Variants in PRDM1 observed in about 807,000 individuals in gnomAD.
The protein encoded by PRDM1 is PR domain zinc finger protein 1.
PRDM1 carries 13 observed loss-of-function variants against 62.8 expected under a neutral mutation model. The observed-to-expected ratio is 0.21, with a 90% confidence interval of 0.13 to 0.33. PRDM1 has a LOEUF of 0.33. PRDM1 is among the 10% of genes least tolerant of loss of function. PRDM1 has a pLI of 1.00. For missense variants in PRDM1, 895 were observed against 1,058.8 expected, an observed-to-expected ratio of 0.85 and a Z score of 2.15; for synonymous variants, 396 against 417.6, an observed-to-expected ratio of 0.95 and a Z score of 0.63.
At chr6:106,070,268 T>G (rs974559446) in intron 1 of PRDM1, among the ~76,000 whole-genome samples, 2 of 152,232 alleles carry the variant, frequency 1.3e-5, no homozygotes, top group Admixed American at 6.5e-5. Context: ...GATGTTTTTC[T>G]TTTCCATAAA....
rs140626005 is a variant in PRDM1, at chr6:106,020,968, C to T, written c.-67+27329C>T. Among the ~76,000 whole-genome samples the T allele has an allele frequency of 8.1e-4, 124 of 152,336 alleles. 2 individuals are homozygous for T. The highest frequency in any genetic ancestry group is 2.3e-3 in the African/African-American group (94 of 41,572). Reference sequence around the variant, plus strand: ...CCTTTCCCCCTCTTGTCTACCTGCACATCCTCTGAGGACTTTCATTTTCTT... The same window carrying T: ...CCTTTCCCCCTCTTGTCTACCTGCATATCCTCTGAGGACTTTCATTTTCTT... On this transcript the variant is annotated intron_variant, in intron 1 of 6. Transcript: ENST00000652320.
chr6:106,032,260 G>C (rs752967508), intron 1 of PRDM1, among the ~76,000 whole-genome samples: 4 of 151,992 alleles, frequency 2.6e-5, no homozygotes, highest in Admixed American at 6.6e-5. Context: ...CTGGGCTTAA[G>C]CAATCCTCCT....
chr6:106,104,439 G>A (rs1034136172), intron 4 of PRDM1, among the ~76,000 whole-genome samples: 2 of 152,130 alleles, frequency 1.3e-5, no homozygotes, highest in African/African-American at 2.4e-5. Flanking sequence ...TCGAACTTCC[G>A]ACCTCAGGTG....
At position 106,104,957 on chromosome 6, in the gene PRDM1, T is replaced by C. The variant is rs374434345; in HGVS notation, c.797T>C (p.Leu266Pro). The C allele has an allele frequency of 5.6e-6, 9 of 1,613,952 alleles. No homozygotes were observed. The highest frequency in any genetic ancestry group is 7.6e-6 in the Non-Finnish European group (9 of 1,180,020). The change falls in exon 5 of 7, where the codon CTC (leucine) becomes CCC (proline). Residue 266 changes from leucine (L) to proline (P), a missense_variant. Leu to Pro is a moderately conservative substitution (Grantham distance 98). Around this residue, in one of 4 missense-constraint regions of PRDM1, gnomAD observed 444 missense variants for 422.7 expected, o/e 1.05. Coordinates refer to ENST00000369096, the MANE Select transcript of PRDM1 (RefSeq NM_001198.4). ...TCCAACCCCTCCAAAGGAAAGGACCTCTACCGTTCTAACATTTCACCCCTC... is the reference window on the plus strand; with the variant it reads ...TCCAACCCCTCCAAAGGAAAGGACCCCTACCGTTCTAACATTTCACCCCTC... ...LDSNPSKGKD[L>P]YRSNISPLTS...
intron 3 of PRDM1, chr6:106,098,401 T>G: frequency 1.0e-6 from 1 of 985,398 alleles, no homozygotes; most frequent in Non-Finnish European, 1.2e-6. Context: ...GCATCTGTTA[T>G]CCAGAAGTAG....
chr6:106,008,729 A>G (rs1305455896), intron 1 of PRDM1, among the ~76,000 whole-genome samples: 1 of 152,186 alleles, frequency 6.6e-6, no homozygotes, highest in Non-Finnish European at 1.5e-5. Context: ...GGCAGAGACT[A>G]GACACTGGCT....
rs150950920 is a variant in PRDM1, at chr6:106,109,061, G to A, written c.*1575G>A. The A allele has an allele frequency of 0.012, 1,897 of 162,178 alleles. 10 individuals carry two copies. The highest frequency in any genetic ancestry group is 0.016 in the Middle Eastern group (6 of 378). 10.0% of individuals were successfully genotyped at this position (162,178 alleles called of 1,614,324 possible). A position where few individuals can be genotyped will look rare whatever the true frequency, so the allele number is the denominator to read the frequency against. ...TATAACCACTTAAATTGTGAGCCAAGCCATGTAAAAGATCTACTTTTTCTA... is the reference window on the plus strand; with the variant it reads ...TATAACCACTTAAATTGTGAGCCAAACCATGTAAAAGATCTACTTTTTCTA... On this transcript the variant is annotated 3_prime_UTR_variant, in exon 7 of 7. Coordinates refer to ENST00000369096, the MANE Select transcript of PRDM1 (RefSeq NM_001198.4).
At chr6:106,026,419 C>T (rs1174105591) in intron 1 of PRDM1, among the ~76,000 whole-genome samples, 4 of 152,088 alleles carry the variant, frequency 2.6e-5, no homozygotes, top group Non-Finnish European at 5.9e-5. Flanking sequence ...GCAGAGGTTG[C>T]AGCGAGCCAA....
chr6:106,074,187 C>A (rs1315100376), intron 1 of PRDM1, among the ~76,000 whole-genome samples: 3 of 152,182 alleles, frequency 2.0e-5, no homozygotes, highest in Non-Finnish European at 4.4e-5. Flanking sequence ...ATTCCATTTC[C>A]AGAGCTTTTT....
intron 1 of PRDM1, among the ~76,000 whole-genome samples, chr6:106,008,581 G>C (rs1007655415): frequency 6.6e-6 from 1 of 152,158 alleles, no homozygotes. Flanking sequence ...AGAGGATATA[G>C]ACAAGATAAG....
chr6:106,024,142 A>C (rs1582429499), intron 1 of PRDM1, among the ~76,000 whole-genome samples: 1 of 85,026 alleles, frequency 1.2e-5, no homozygotes, highest in South Asian at 3.1e-4. Context: ...ACCGTGTCTC[A>C]AAAAAAAAAT....
At chr6:105,999,846 C>T (rs1772406904) in intron 1 of PRDM1, among the ~76,000 whole-genome samples, 2 of 152,058 alleles carry the variant, frequency 1.3e-5, no homozygotes, top group South Asian at 4.1e-4. Context: ...TGTGACCTTC[C>T]TTTATCTATG....
chr6:106,067,353 C>T (rs1773449887), intron 1 of PRDM1, among the ~76,000 whole-genome samples: 1 of 152,016 alleles, frequency 6.6e-6, no homozygotes, highest in Non-Finnish European at 1.5e-5. Context: ...TGTTGGGTTT[C>T]CTCAAAAAGC....
intron 1 of PRDM1, among the ~76,000 whole-genome samples, chr6:106,003,464 T>G (rs1772450786): frequency 6.6e-6 from 1 of 152,218 alleles, no homozygotes; most frequent in African/African-American, 2.4e-5. Flanking sequence ...TTAGTTTCAT[T>G]TCATTGGCAT....
rs139718143 is a variant in PRDM1, at chr6:106,107,241, G to A, written c.2233G>A (p.Val745Met). The A allele has an allele frequency of 7.7e-5, 125 of 1,614,098 alleles. No homozygotes were observed. The highest frequency in any genetic ancestry group is 6.6e-4 in the Middle Eastern group (4 of 6,084). Residue 745 changes from valine to methionine, a missense_variant, in exon 7 of 7, where the codon GTG (valine) becomes ATG (methionine). Physicochemically the swap from Val to Met is conservative, Grantham distance 21 (BLOSUM62 1). Transcript: ENST00000369096. ...TGACAATGCTGACCGGCTCGAGGAC[G>A]TGGAGGATGACATCAGTGTGATCTC... The part of the protein sequence containing the change: ...ISDNADRLED[V>M]EDDISVISVV...
chr6:106,006,038 C>G (rs116532958), intron 1 of PRDM1, among the ~76,000 whole-genome samples: 1 of 152,180 alleles, frequency 6.6e-6, no homozygotes, highest in Non-Finnish European at 1.5e-5. Flanking sequence ...TTCAAAACAA[C>G]GATAGTCCTC....
At chr6:106,104,514 GCTAT>G (rs1484519116) in intron 4 of PRDM1, among the ~76,000 whole-genome samples, 74 of 152,182 alleles carry the variant, frequency 4.9e-4, no homozygotes, top group African/African-American at 1.8e-3. Context: ...TCCAGCTTAG[GCTAT>G]CTTACTCCAG....
intron 1 of PRDM1, among the ~76,000 whole-genome samples, chr6:106,024,874 A>G (rs1211868118): frequency 2.0e-5 from 3 of 152,172 alleles, no homozygotes; most frequent in Non-Finnish European, 2.9e-5. Flanking sequence ...TAACATGTCC[A>G]TGCTCATAAC....
Position 106,109,751 on chromosome 6 carries a change from A to G in PRDM1, c.*2265A>G, listed in dbSNP as rs1381789794. 4.3e-6 allele frequency: 1 copy of G among 233,288 alleles called. No homozygotes were observed. The highest frequency in any genetic ancestry group is 8.5e-6 in the Non-Finnish European group (1 of 117,734). The allele number at this position is 233,288 out of a possible 1,614,324, so 14.5% of individuals were successfully genotyped here. A position where few individuals can be genotyped will look rare whatever the true frequency, so the allele number is the denominator to read the frequency against. On this transcript the variant is annotated 3_prime_UTR_variant, in exon 7 of 7. Coordinates refer to ENST00000369096, the MANE Select transcript of PRDM1 (RefSeq NM_001198.4). ...TCTCTTTTCTGCCTCTTACATGTGA[A>G]TGTTGAGCCCACAATCAACAGTGGT...
Sources: gnomAD v4.1 joint callset for allele counts (sites outside exome capture counted in the v4.1 genomes callset) on GRCh38, gnomAD v4.1.1 for gene constraint, gnomAD v4.1.1 regional missense constraint, MANE v1.5 for transcripts, NCBI Gene and HGNC (gene_info 2026-07-23, HGNC 2026-07-21) for gene names.